Variants in RP1 observed in about 807,000 individuals in gnomAD.
RP1 encodes the protein oxygen-regulated protein 1.
Under a neutral mutation model 14.8 loss-of-function variants are expected in RP1, and 16 were observed. That is an observed-to-expected ratio of 1.08 (90% CI 0.73 to 1.65). RP1 has a LOEUF of 1.65. RP1 is among the 40% of genes most tolerant of loss of function. The pLI, the probability that RP1 is intolerant of heterozygous loss-of-function variation, is 0.00. For missense variants in RP1, 2,631 were observed against 2,535.0 expected (o/e 1.04, Z -0.81); for synonymous variants, 876 against 883.6 (o/e 0.99, Z 0.15).
intron 6 of RP1, among the ~76,000 whole-genome samples, chr8:54,657,328 G>A (rs1195181859): frequency 1.3e-5 from 2 of 152,142 alleles, no homozygotes; most frequent in African/African-American, 4.8e-5. Context: ...TCTGCTCAAA[G>A]AAGGCACACT....
chr8:54,622,823 G>A (rs1426713269), intron 3 of RP1, among the ~76,000 whole-genome samples: 1 of 152,212 alleles, frequency 6.6e-6, no homozygotes, highest in African/African-American at 2.4e-5. Context: ...GGTAATGTAG[G>A]TTGATAATTC....
At chr8:54,585,685 T>C (rs982371065) in intron 1 of RP1, among the ~76,000 whole-genome samples, 11 of 152,226 alleles carry the variant, frequency 7.2e-5, no homozygotes, top group African/African-American at 2.7e-4. Context: ...TCTTGGAGGC[T>C]TTGTTTATTT....
At chr8:54,653,132 T>G (rs985484781) in intron 5 of RP1, among the ~76,000 whole-genome samples, 25 of 152,248 alleles carry the variant, frequency 1.6e-4, no homozygotes, top group Admixed American at 1.3e-4. Context: ...CTTCTTGATA[T>G]AGTTGCACTG....
intron 15 of RP1, among the ~76,000 whole-genome samples, chr8:54,711,383 G>A (rs948426023): frequency 6.6e-6 from 1 of 152,136 alleles, no homozygotes; most frequent in Non-Finnish European, 1.5e-5. Context: ...GAAAGTTATT[G>A]CTAAAAGATT....
At chr8:54,745,927 A>G (rs896609532) in intron 19 of RP1, among the ~76,000 whole-genome samples, 1 of 152,194 alleles carries the variant, frequency 6.6e-6, no homozygotes, top group Non-Finnish European at 1.5e-5. Context: ...TTTAGTATTG[A>G]TAGAAAAATA....
chr8:54,758,869 T>C (rs1809569491), intron 21 of RP1: 1 of 1,511,814 alleles, frequency 6.6e-7, no homozygotes, highest in Non-Finnish European at 8.9e-7. Context: ...GCATTTGTCA[T>C]GCCTCGGACT....
intron 4 of RP1, chr8:54,652,710 C>G (rs1038747410): frequency 1.6e-5 from 16 of 1,008,952 alleles, no homozygotes; most frequent in Non-Finnish European, 2.2e-5. Context: ...CATTTCATGT[C>G]CTAATCTGAG....
intron 19 of RP1, among the ~76,000 whole-genome samples, chr8:54,748,698 A>G (rs1809286163): frequency 1.3e-5 from 2 of 152,222 alleles, no homozygotes; most frequent in South Asian, 4.1e-4. Context: ...AATGACTGAC[A>G]TGAGTGCCCC....
In RP1 at chr8:54,629,872, C is replaced by A. The variant is rs1237003863; in HGVS notation, c.5990C>A (p.Thr1997Lys). 6.2e-7 allele frequency: 1 copy of A among 1,613,782 alleles called. No homozygotes were observed. Among genetic ancestry groups the A allele is most frequent in the Admixed American group, 1.7e-5 (1 of 60,004 alleles). The change falls in exon 4 of 4, where the codon ACA (threonine) becomes AAA (lysine). Residue 1997 changes from threonine to lysine, a missense_variant. Physicochemically the swap from Thr to Lys is moderately conservative, Grantham distance 78 (BLOSUM62 -1). Coordinates refer to ENST00000220676, the MANE Select transcript of RP1 (RefSeq NM_006269.2). ...DIFDQFYFSNTFDLMGKRRKQ... is the reference protein window; with the variant it reads ...DIFDQFYFSNKFDLMGKRRKQ... Reference sequence around the variant, plus strand: ...TTTGATCAGTTTTATTTCAGTAACACATTTGACTTGATGGGTAAAAGAAGA... The same window carrying A: ...TTTGATCAGTTTTATTTCAGTAACAAATTTGACTTGATGGGTAAAAGAAGA...
intron 27 of RP1, among the ~76,000 whole-genome samples, chr8:54,861,769 A>AT (rs1265479507): frequency 6.6e-6 from 1 of 151,788 alleles, no homozygotes; most frequent in African/African-American, 2.4e-5. Flanking sequence ...TGCCCAGCTA[A>AT]TTTTTTGTAT....
chr8:54,735,616 G>A (rs1019537817), intron 18 of RP1, among the ~76,000 whole-genome samples: 1 of 152,190 alleles, frequency 6.6e-6, no homozygotes, highest in African/African-American at 2.4e-5. Context: ...TCTTAGACCT[G>A]AGCCTGTCAT....
chr8:54,755,705 A>T (rs1487056237), exon 21 of RP1: 7 of 1,535,678 alleles, frequency 4.6e-6, no homozygotes, highest in Admixed American at 3.9e-5. Context: ...CTTTGGGGAG[A>T]GGGGAGACTC....
chr8:54,707,719 G>T (rs1295592479), intron 15 of RP1, among the ~76,000 whole-genome samples: 1 of 152,202 alleles, frequency 6.6e-6, no homozygotes, highest in Non-Finnish European at 1.5e-5. Context: ...GACCTTTCAT[G>T]GTTCCCAGGG....
intron 7 of RP1, among the ~76,000 whole-genome samples, chr8:54,669,302 A>C (rs1203204627): frequency 6.6e-6 from 1 of 152,238 alleles, no homozygotes; most frequent in Non-Finnish European, 1.5e-5. Flanking sequence ...GTCATCAGAG[A>C]AATGCAAATT....
At chr8:54,870,020 G>T (rs1812552924) in exon 29 of RP1, 4 of 684,678 alleles carry the variant, frequency 5.8e-6, no homozygotes, top group Non-Finnish European at 8.2e-6. Flanking sequence ...TTTGTCTTTT[G>T]CTTGGGCTGG....
intron 3 of RP1, among the ~76,000 whole-genome samples, chr8:54,643,767 C>A (rs1344905379): frequency 2.0e-5 from 3 of 152,170 alleles, no homozygotes; most frequent in Non-Finnish European, 4.4e-5. Flanking sequence ...CCTTGGCATT[C>A]TTTGGCTTGC....
In RP1 at chr8:54,738,901, A is replaced by T. The variant is rs147219817; in HGVS notation, c.2722-42A>T. ...AAGAATTTTTTAATGTGCTTAATTT[A>T]AAAAATTCTGATAATTTTTTTCTCC... On this transcript the variant is annotated intron_variant, in intron 18 of 22. Coordinates refer to the RP1 transcript ENST00000636932. The T allele has an allele frequency of 9.9e-4, 1,303 of 1,320,484 alleles. 10 individuals are homozygous for T. Among genetic ancestry groups the T allele is most frequent in the Non-Finnish European group, 4.2e-4 (412 of 990,022 alleles). 81.8% of individuals were successfully genotyped at this position (1,320,484 alleles called of 1,614,324 possible). A position where few individuals can be genotyped will look rare whatever the true frequency, so the allele number is the denominator to read the frequency against.
chr8:54,712,703 T>C (rs1431322455), intron 15 of RP1, among the ~76,000 whole-genome samples: 1 of 152,272 alleles, frequency 6.6e-6, no homozygotes, highest in Non-Finnish European at 1.5e-5. Flanking sequence ...ACTTGTTTAA[T>C]GACTCATTGA....
At position 54,628,540 on chromosome 8, in the gene RP1, A is replaced by G. The variant is rs747215037; in HGVS notation, c.4658A>G (p.Asn1553Ser). The G allele has an allele frequency of 1.2e-6, 2 of 1,614,072 alleles. No homozygotes were observed. Among genetic ancestry groups the G allele is most frequent in the Non-Finnish European group, 1.7e-6 (2 of 1,179,930 alleles). Residue 1553 changes from asparagine to serine, a missense_variant, in exon 4 of 4, where the codon AAT becomes AGT. Physicochemically the swap from Asn to Ser is conservative, Grantham distance 46. Transcript: ENST00000220676. ...DSKQNSEKET[N>S]EGETKMVKMM... ...AAGCAAAATAGTGAAAAGGAGACCA[A>G]TGAAGGAGAAACTAAGATGGTAAAA...
Sources: allele counts gnomAD v4.1 joint callset (sites outside exome capture counted in the v4.1 genomes callset), GRCh38; gene constraint gnomAD v4.1.1; transcripts MANE v1.5; gene names NCBI Gene and HGNC (gene_info 2026-07-23, HGNC 2026-07-21).